CD5: variants seen among roughly 807,000 people sequenced by gnomAD.
CD5 encodes the protein T-cell surface glycoprotein CD5.
In CD5, 36 loss-of-function variants were observed where a neutral mutation model predicts 60.3. That is an observed-to-expected ratio of 0.60 (90% CI 0.46 to 0.79). The LOEUF is 0.79. Ranked by LOEUF, CD5 falls within the 30% of genes least tolerant of loss-of-function variation. The pLI is 0.00. For synonymous variants in CD5, 230 were observed against 257.6 expected (o/e 0.89, Z 1.03); for missense variants, 540 against 630.6 (o/e 0.86, Z 1.54).
At chr11:61,105,021 A>C (rs1008372197) in intron 1 of CD5, among the ~76,000 whole-genome samples, 24 of 152,258 alleles carry the variant, frequency 1.6e-4, no homozygotes, top group African/African-American at 5.8e-4. Context: ...TGCTGGAGTC[A>C]AACAGTGCAG....
chr11:61,121,854 G>A lies in CD5; in HGVS notation c.1049G>A (p.Cys350Tyr). The change falls in exon 6 of 11, where the codon TGC becomes TAC. Residue 350 changes from cysteine to tyrosine, a missense_variant. By Grantham distance (194) the Cys-to-Tyr change is radical. Coordinates refer to ENST00000347785, the MANE Select transcript of CD5 (RefSeq NM_014207.4). ...LFCPHQKLSQCHELWERNSYC... is the reference protein window; with the variant it reads ...LFCPHQKLSQYHELWERNSYC... ...TGTCCCCATCAGAAGCTGTCCCAGT[G>A]CCACGAACTTTGGGAGAGAAATTCC... is the stretch of plus-strand genomic sequence containing the variant. 6.4e-7 allele frequency: 1 copy of A among 1,573,232 alleles called. No individual in the cohort carries two copies. The highest frequency in any genetic ancestry group is 8.7e-7 in the Non-Finnish European group (1 of 1,153,438).
chr11:61,115,212 C>G (rs1439656016), intron 2 of CD5, 118 bp downstream of exon 2: 3 of 869,180 alleles, frequency 3.5e-6, no homozygotes, highest in Non-Finnish European at 5.3e-6. Context: ...GAACCCCACC[C>G]TATAGAGAGA....
chr11:61,116,634 AC>A (rs1860959636), intron 2 of CD5, among the ~76,000 whole-genome samples: 1 of 142,800 alleles, frequency 7.0e-6, no homozygotes, highest in East Asian at 2.1e-4. Flanking sequence ...CACACCACAC[AC>A]ACCACACACA....
chr11:61,119,188 C>G (rs761025678), intron 4 of CD5, 46 bp from the exon 5 acceptor site: 2 of 1,507,082 alleles, frequency 1.3e-6, no homozygotes, highest in Non-Finnish European at 1.8e-6. Context: ...CCCAGGAAGC[C>G]CTCGGCGCTC....
chr11:61,097,488 C>T, the CD5 span, among the ~76,000 whole-genome samples: 4 of 152,118 alleles, frequency 2.6e-5, no homozygotes, highest in African/African-American at 7.2e-5. Context: ...TAGTAAATTC[C>T]CAAAGTTGCA....
At chr11:61,115,189 C>T (rs1300936468) in intron 2 of CD5, 95 bp downstream of exon 2, 2 of 1,199,576 alleles carry the variant, frequency 1.7e-6, no homozygotes, top group Admixed American at 2.0e-5. Flanking sequence ...GAAGCCATCA[C>T]TTCTGCCAGA....
At chr11:61,095,796 C>T in the CD5 span, among the ~76,000 whole-genome samples, 1 of 152,146 alleles carries the variant, frequency 6.6e-6, no homozygotes, top group Non-Finnish European at 1.5e-5. Flanking sequence ...AGAGGAGAGT[C>T]CAGCACAATT....
Position 61,121,747 on chromosome 11 carries a change from G to T in CD5, c.942G>T (p.Glu314Asp), listed in dbSNP as rs1271350162. The T allele has an allele frequency of 8.1e-6, 13 of 1,612,292 alleles. No individual in the cohort carries two copies. The highest frequency in any genetic ancestry group is 1.1e-5 in the Non-Finnish European group (13 of 1,178,772). The change falls in exon 6 of 11, where the codon GAG (glutamate) becomes GAT (aspartate). Residue 314 changes from glutamate (E) to aspartate (D), a missense_variant. Transcript: ENST00000347785. ...CCAGGAGCTCGCTGCGGTGGGAGGA[G>T]GTGTGCCGGGAGCAGCAGTGTGGCA... ...SSARSSLRWE[E>D]VCREQQCGSV...
At chr11:61,099,621 T>G (rs1311027611), upstream of CD5, among the ~76,000 whole-genome samples, 1 of 145,838 alleles carries the variant, frequency 6.9e-6, no homozygotes, top group South Asian at 2.2e-4. Context: ...CACATCAACA[T>G]GGAGATCACA....
chr11:61,123,119 C>G, intron 7 of CD5, 87 bp downstream of exon 7: 2 of 1,430,382 alleles, frequency 1.4e-6, no homozygotes, highest in Non-Finnish European at 1.9e-6. Context: ...GGGGTCATGC[C>G]TCCAGAGAGC....
chr11:61,107,816 G>A (rs3862668), intron 1 of CD5, among the ~76,000 whole-genome samples: 2,899 of 152,266 alleles, frequency 0.019, 76 homozygotes, highest in South Asian at 0.058. Context: ...TAGGAATAGC[G>A]TAGGAAATGG....
the CD5 span, among the ~76,000 whole-genome samples, chr11:61,095,657 A>G: frequency 1.3e-5 from 2 of 152,212 alleles, no homozygotes; most frequent in African/African-American, 2.4e-5. Context: ...CAGACCCCCA[A>G]TAGGACCTGA....
intron 6 of CD5, among the ~76,000 whole-genome samples, chr11:61,122,373 TGATGGATGGATG>T (rs6144363): frequency 0.61 from 70,715 of 116,160 alleles, 21,952 homozygotes; most frequent in East Asian, 0.96. Flanking sequence ...GGTGGATGGA[TGATGGATGGATG>T]GATGGATGGA....
upstream of CD5, among the ~76,000 whole-genome samples, chr11:61,097,843 T>C (rs1268792051): frequency 6.6e-6 from 1 of 152,174 alleles, no homozygotes; most frequent in East Asian, 1.9e-4. Context: ...AACCGAATCA[T>C]ACGGTTACAA....
intron 1 of CD5, among the ~76,000 whole-genome samples, chr11:61,110,284 G>A: frequency 6.6e-6 from 1 of 152,074 alleles, no homozygotes; most frequent in East Asian, 1.9e-4. Context: ...CACTCAGGAA[G>A]CTTCCAAGTC....
At chr11:61,116,822 TACAACACAC>T (rs1363611116) in intron 2 of CD5, among the ~76,000 whole-genome samples, 9 of 91,624 alleles carry the variant, frequency 9.8e-5, no homozygotes, top group African/African-American at 2.6e-4. Flanking sequence ...CACACACACA[TACAACACAC>T]ACAACACACA....
intron 4 of CD5, 94 bp from the exon 5 acceptor site, chr11:61,119,140 G>C: frequency 7.8e-7 from 1 of 1,279,786 alleles, no homozygotes; most frequent in Admixed American, 2.1e-5. Context: ...GCGTTAGTCA[G>C]TAGTTGTCCA....
At chr11:61,108,469 A>C (rs997665379) in intron 1 of CD5, among the ~76,000 whole-genome samples, 4 of 152,104 alleles carry the variant, frequency 2.6e-5, no homozygotes, top group Non-Finnish European at 4.4e-5. Flanking sequence ...CTAATCATAA[A>C]CCAATCATTT....
At chr11:61,116,803 T>TACACACACC (rs1821239335) in intron 2 of CD5, among the ~76,000 whole-genome samples, 1 of 94,846 alleles carries the variant, frequency 1.1e-5, no homozygotes, top group African/African-American at 4.3e-5. Flanking sequence ...ACCTGCACAC[T>TACACACACC]ACACACACCA....
Sources: allele counts gnomAD v4.1 joint callset (sites outside exome capture counted in the v4.1 genomes callset), GRCh38; gene constraint gnomAD v4.1.1; transcripts MANE v1.5; gene names NCBI Gene and HGNC (gene_info 2026-07-23, HGNC 2026-07-21).